The following GFM1 variants were observed in gnomAD, a reference collection of about 807,000 sequenced individuals.
The protein encoded by GFM1 is G elongation factor mitochondrial 1.
GFM1 carries 62 observed loss-of-function variants against 96.2 expected under a neutral mutation model. The observed-to-expected ratio is 0.64, with a 90% CI of 0.53 to 0.80. GFM1 has a LOEUF of 0.80. GFM1 is among the 30% of genes least tolerant of loss of function. GFM1 has a pLI of 0.00. For synonymous variants in GFM1, 282 were observed against 312.9 expected, an observed-to-expected ratio of 0.90 and a Z score of 1.04; for missense variants, 852 against 916.6, an observed-to-expected ratio of 0.93 and a Z score of 0.91.
intron 5 of GFM1, chr3:158,651,020 CAAAAAAAAAAAAAAAA>C (rs772054819): frequency 2.0e-5 from 1 of 49,442 alleles, no homozygotes; most frequent in African/African-American, 7.8e-5. Context: ...GACTCCGTCT[CAAAAAAAAAAAAAAAA>C]AAAAAAAAAG....
chr3:158,672,593 A>T, intron 13 of GFM1: 1 of 1,295,534 alleles, frequency 7.7e-7, no homozygotes, highest in Non-Finnish European at 1.1e-6. Flanking sequence ...AAAAGTCGCA[A>T]GCTCCTTCAG....
chr3:158,684,588 T>C lies in GFM1; in HGVS notation c.1829T>C (p.Val610Ala). Reference sequence around the variant, plus strand: ...CACAAGCTCTCTGGGCTCCGGTTTGTCCTGCAAGATGGAGCACACCACATG... The same window carrying C: ...CACAAGCTCTCTGGGCTCCGGTTTGCCCTGCAAGATGGAGCACACCACATG... ...SGHKLSGLRFVLQDGAHHMVD... is the reference protein window; with the variant it reads ...SGHKLSGLRFALQDGAHHMVD... Residue 610 changes from valine to alanine, a missense_variant, in exon 15 of 18, where the codon GTC becomes GCC. Val to Ala is a moderately conservative substitution (Grantham distance 64). Coordinates refer to ENST00000486715, the MANE Select transcript of GFM1 (RefSeq NM_024996.7). 1 of 1,614,112 alleles carries C rather than the reference T, an allele frequency of 6.2e-7. No individual in the cohort carries two copies. The highest frequency in any genetic ancestry group is 8.5e-7 in the Non-Finnish European group (1 of 1,179,982).
At chr3:158,663,518 C>T (rs113343978) in intron 11 of GFM1, among the ~76,000 whole-genome samples, 1 of 152,050 alleles carries the variant, frequency 6.6e-6, no homozygotes, top group Non-Finnish European at 1.5e-5. Context: ...TTTTCCAGAC[C>T]TTTTCTCAAT....
At chr3:158,651,663 T>C (rs9867957) in intron 5 of GFM1, among the ~76,000 whole-genome samples, 63,191 of 152,106 alleles carry the variant, frequency 0.42, 14,275 homozygotes, top group African/African-American at 0.6. Flanking sequence ...GGTGATACTT[T>C]GTCAAGTCAT....
At chr3:158,682,309 A>G in intron 14 of GFM1, 152 bp downstream of exon 14, 1 of 662,844 alleles carries the variant, frequency 1.5e-6, no homozygotes, top group Non-Finnish European at 2.7e-6. Context: ...CATCTGATTT[A>G]GAATCTCTAA....
intron 6 of GFM1, among the ~76,000 whole-genome samples, 176 bp from the exon 7 acceptor site, chr3:158,653,134 G>T (rs1722428920): frequency 6.6e-6 from 1 of 152,038 alleles, no homozygotes; most frequent in South Asian, 2.1e-4. Flanking sequence ...AGAAGAAAGT[G>T]ATTTTTTTCT....
At chr3:158,646,096 C>T (rs1410018668) in intron 2 of GFM1, 69 bp from the exon 3 acceptor site, 3 of 1,587,670 alleles carry the variant, frequency 1.9e-6, no homozygotes, top group Non-Finnish European at 1.7e-6. Context: ...GTTTCCATTT[C>T]AGTTAAGATT....
chr3:158,681,999 G>A lies in GFM1; in HGVS notation c.1606G>A (p.Asp536Asn), dbSNP rs761934015. The A allele has an allele frequency of 6.2e-7, 1 of 1,609,602 alleles. No individual in the cohort carries two copies. The highest frequency in any genetic ancestry group is 8.5e-7 in the Non-Finnish European group (1 of 1,178,230). Residue 536 changes from aspartate to asparagine, a missense_variant, in exon 14 of 18, where the codon GAC becomes AAC. By Grantham distance (23) the Asp-to-Asn change is conservative. Transcript: ENST00000486715. ...RETITAPVPF[D>N]FTHKKQSGGA... The stretch of plus-strand genomic sequence containing the variant: ...TTTTTCCTAAATCACTTTCAGGTTT[G>A]ACTTTACACATAAAAAACAATCAGG...
intron 13 of GFM1, among the ~76,000 whole-genome samples, chr3:158,670,116 T>C (rs1724135872): frequency 6.6e-6 from 1 of 152,234 alleles, no homozygotes; most frequent in South Asian, 2.1e-4. Flanking sequence ...AATGAATCTC[T>C]TTATGAATTA....
At chr3:158,676,488 G>A (rs1724908769) in intron 13 of GFM1, among the ~76,000 whole-genome samples, 1 of 152,004 alleles carries the variant, frequency 6.6e-6, no homozygotes, top group South Asian at 2.1e-4. Context: ...TATATATACT[G>A]TTTTATTTAA....
At chr3:158,673,001 G>A (rs1724507706) in intron 13 of GFM1, among the ~76,000 whole-genome samples, 2 of 152,094 alleles carry the variant, frequency 1.3e-5, no homozygotes, top group South Asian at 4.2e-4. Context: ...TCCCTGGCAG[G>A]GCAAGGTACA....
chr3:158,651,378 G>A (rs1390511166), intron 5 of GFM1, among the ~76,000 whole-genome samples: 1 of 152,168 alleles, frequency 6.6e-6, no homozygotes, highest in African/African-American at 2.4e-5. Flanking sequence ...CCCTAGGCAG[G>A]TTGGCTTTGA....
At chr3:158,670,050 T>G (rs553313966) in intron 13 of GFM1, among the ~76,000 whole-genome samples, 2 of 152,328 alleles carry the variant, frequency 1.3e-5, no homozygotes, top group South Asian at 4.1e-4. Context: ...ATTAGAAGAT[T>G]ATGGCATTGG....
Position 158,692,081 on chromosome 3 carries a change from T to C in GFM1, c.*614T>C, listed in dbSNP as rs1055483978. 8 of 152,540 alleles carry C rather than the reference T, an allele frequency of 5.2e-5. No individual in the cohort carries two copies. The highest frequency in any genetic ancestry group is 1.9e-4 in the African/African-American group (8 of 41,458). 9.4% of individuals were successfully genotyped at this position (152,540 alleles called of 1,614,324 possible). On this transcript the variant is annotated 3_prime_UTR_variant, in exon 18 of 18. Coordinates refer to ENST00000486715, the MANE Select transcript of GFM1 (RefSeq NM_024996.7). ...GTTGAAGAGTGGATTCCGTATGTTCTTCATAGAGAGTGTTTTTCAGATTCT... is the reference window on the plus strand; with the variant it reads ...GTTGAAGAGTGGATTCCGTATGTTCCTCATAGAGAGTGTTTTTCAGATTCT...
In GFM1 at chr3:158,684,654, G is replaced by T. The variant is rs964521820; in HGVS notation, c.1895G>T (p.Gly632Val). 3 of 1,613,926 alleles carry T rather than the reference G, an allele frequency of 1.9e-6. No homozygotes were observed. The highest frequency in any genetic ancestry group is 3.3e-5 in the Admixed American group (2 of 59,980). ...NEISFIRAGE[G>V]ALKQALANAT... is the part of the protein sequence containing the mutation. Reference sequence around the variant, plus strand: ...ATCTCTTTCATCCGAGCAGGAGAAGGTGCTCTTAAACAAGGTATGCTGGGT... The same window carrying T: ...ATCTCTTTCATCCGAGCAGGAGAAGTTGCTCTTAAACAAGGTATGCTGGGT... Residue 632 changes from glycine (G) to valine (V), a missense_variant, in exon 15 of 18, where the codon GGT becomes GTT. Gly to Val is a moderately radical substitution (Grantham distance 109). Coordinates refer to ENST00000486715, the MANE Select transcript of GFM1 (RefSeq NM_024996.7).
At chr3:158,689,739 T>C (rs1039893279) in intron 15 of GFM1, among the ~76,000 whole-genome samples, 1 of 146,048 alleles carries the variant, frequency 6.8e-6, no homozygotes, top group Non-Finnish European at 1.5e-5. Context: ...GTAATCTAGC[T>C]TGGGTGACAA....
chr3:158,644,865 T>C (rs1721623418), intron 1 of GFM1, 150 bp downstream of exon 1: 1 of 703,464 alleles, frequency 1.4e-6, no homozygotes, highest in Admixed American at 2.1e-5. Flanking sequence ...AGCACCTCGG[T>C]GCCTGCACAT....
intron 11 of GFM1, among the ~76,000 whole-genome samples, chr3:158,663,230 TA>T (rs746967792): frequency 8.3e-4 from 126 of 152,348 alleles, no homozygotes; most frequent in Non-Finnish European, 1.1e-3. Flanking sequence ...ATTTAGCTTT[TA>T]ATAAATCCAA....
chr3:158,665,400 GTA>G lies in GFM1; in HGVS notation c.1447_1448del (p.Tyr483LeufsTer2). 6.2e-7 allele frequency: 1 copy of G among 1,609,872 alleles called. No individual in the cohort carries two copies. Among genetic ancestry groups the G allele is most frequent in the Non-Finnish European group, 8.5e-7 (1 of 1,176,636 alleles). ...RFTREDPTFKVYFDTENKETV... is the reference protein window; with the variant it reads ...RFTREDPTFKXYFDTENKETV... ...TACAAGAGAAGATCCCACATTTAAA[GTA>G]TACTTTGACACTGAGAACAAAGAGA... On this transcript the variant is annotated frameshift_variant, in exon 12 of 18. Coordinates refer to ENST00000486715, the MANE Select transcript of GFM1 (RefSeq NM_024996.7). LOFTEE classifies it high-confidence loss of function.
Sources: allele counts gnomAD v4.1 joint callset (sites outside exome capture counted in the v4.1 genomes callset), GRCh38; gene constraint gnomAD v4.1.1; transcripts MANE v1.5; gene names NCBI Gene and HGNC (gene_info 2026-07-23, HGNC 2026-07-21).